Variants in RBM20 observed in about 807,000 individuals in gnomAD.
RBM20 encodes RNA-binding protein 20.
RBM20 carries 51 observed loss-of-function variants against 110.1 expected under a neutral mutation model. That is an observed-to-expected ratio of 0.46 (90% confidence interval 0.37 to 0.59). The LOEUF is 0.59. Among genes scored for constraint, RBM20 ranks in the 20% least tolerant of loss-of-function variants. The pLI is 0.00. For missense variants in RBM20, 1,512 were observed against 1,574.9 expected (o/e 0.96, Z 0.68); for synonymous variants, 589 against 618.2 (o/e 0.95, Z 0.70).
At chr10:110,766,832 GCTGTTGGGT>G (rs1844093183) in intron 1 of RBM20, among the ~76,000 whole-genome samples, 1 of 150,862 alleles carries the variant, frequency 6.6e-6, no homozygotes, top group South Asian at 2.1e-4. Context: ...TTCTCAATGA[GCTGTTGGGT>G]ACACCTCCCA....
At chr10:110,740,644 AC>A (rs1843715538) in intron 1 of RBM20, among the ~76,000 whole-genome samples, 1 of 152,080 alleles carries the variant, frequency 6.6e-6, no homozygotes, top group South Asian at 2.1e-4. Flanking sequence ...GTTTATGGCC[AC>A]CTTGATGTTC....
At chr10:110,834,760 C>T (rs1306307072) in intron 13 of RBM20, among the ~76,000 whole-genome samples, 1 of 152,212 alleles carries the variant, frequency 6.6e-6, no homozygotes, top group Non-Finnish European at 1.5e-5. Flanking sequence ...TACTGGTCTG[C>T]ACCCTTCTGT....
At chr10:110,806,500 C>A (rs925737509) in intron 7 of RBM20, among the ~76,000 whole-genome samples, 1 of 152,116 alleles carries the variant, frequency 6.6e-6, no homozygotes, top group Non-Finnish European at 1.5e-5. Flanking sequence ...CGTGAGAACT[C>A]TGTCACGAGA....
chr10:110,732,807 C>T (rs1056036211), intron 1 of RBM20, among the ~76,000 whole-genome samples: 1 of 152,146 alleles, frequency 6.6e-6, no homozygotes, highest in Admixed American at 6.5e-5. Flanking sequence ...CACTGGAAAT[C>T]ATTGACTGTG....
At position 110,784,373 on chromosome 10, in the gene RBM20, A is replaced by G. The variant is rs1564845289; in HGVS notation, c.1370A>G (p.Glu457Gly). The change falls in exon 4 of 14, where the codon GAG (glutamate) becomes GGG (glycine). Residue 457 changes from glutamate to glycine, a missense_variant. Physicochemically the swap from Glu to Gly is moderately conservative, Grantham distance 98. This residue lies in a region of RBM20 where 1,149 missense variants were observed against 1,169.4 expected (regional missense o/e 0.98). Transcript: ENST00000369519. The stretch of plus-strand genomic sequence containing the variant: ...ATCCGGTGTATACTTGGTTCGGCAG[A>G]GGGAACATTGTGTGCTTCTCCCAAC... ...AGIRCILGSA[E>G]GTLCASPNST... is the part of the protein sequence containing the mutation. 6.4e-7 allele frequency: 1 copy of G among 1,551,384 alleles called. No homozygotes were observed. Among genetic ancestry groups the G allele is most frequent in the East Asian group, 2.4e-5 (1 of 40,924 alleles).
At chr10:110,687,995 T>TGTGTGTG (rs1862529719) in intron 1 of RBM20, among the ~76,000 whole-genome samples, 32 of 145,486 alleles carry the variant, frequency 2.2e-4, no homozygotes, top group African/African-American at 8.1e-4. Context: ...CTAAATGGTT[T>TGTGTGTG]TGTGTGTGTG....
rs139586888 is a variant in RBM20 at position 110,759,343 on chromosome 10, A to T, written c.192-21458A>T. The stretch of plus-strand genomic sequence containing the variant: ...TGGCATAGCTTTTCTATTTTCCTCC[A>T]TTGCAAAGATAGAGTAGTCAGCCCT... On this transcript the variant is annotated intron_variant, in intron 1 of 13. Coordinates refer to ENST00000369519, the MANE Select transcript of RBM20 (RefSeq NM_001134363.3). Among the ~76,000 whole-genome samples, 59 of 152,230 alleles carry T rather than the reference A, an allele frequency of 3.9e-4. No homozygotes were observed. The East Asian group carries it at 0.01, about 27-fold the overall frequency.
chr10:110,812,754 A>G lies in RBM20; in HGVS notation c.2357A>G (p.Asp786Gly), dbSNP rs561904103. ...GCCCCCGGGAGGTCCAGGAGGAAAG[A>G]CGAGGCCAGGCTGCGGGAAAGCAGA... ...QDAPGRSRRKDEARLRESRHP... is the reference protein window; with the variant it reads ...QDAPGRSRRKGEARLRESRHP... Residue 786 changes from aspartate (D) to glycine (G), a missense_variant, in exon 9 of 14, where the codon GAC (aspartate) becomes GGC (glycine). Physicochemically the swap from Asp to Gly is moderately conservative, Grantham distance 94. Coordinates refer to ENST00000369519, the MANE Select transcript of RBM20 (RefSeq NM_001134363.3). 67 of 1,551,748 alleles carry G rather than the reference A, an allele frequency of 4.3e-5. No individual in the cohort carries two copies. The highest frequency in any genetic ancestry group is 2.2e-4 in the Admixed American group (11 of 51,006).
chr10:110,806,555 G>A (rs1844698064), intron 7 of RBM20, among the ~76,000 whole-genome samples: 1 of 152,172 alleles, frequency 6.6e-6, no homozygotes, highest in African/African-American at 2.4e-5. Context: ...CCACCCACAT[G>A]ATCCAGTCAC....
chr10:110,734,466 G>A lies in RBM20; in HGVS notation c.192-46335G>A, dbSNP rs1391395722. On this transcript the variant is annotated intron_variant, in intron 1 of 13. Transcript: ENST00000369519. ...ATTCTTTGAACTACAGGTGTCACTG[G>A]AAATGATTCCCTCTGCTCAATATGG... Among the ~76,000 whole-genome samples the A allele has an allele frequency of 2.6e-5, 4 of 152,272 alleles. No homozygotes were observed. The South Asian group carries it at 6.2e-4, about 24-fold the overall frequency.
chr10:110,687,551 A>G (rs548361989), intron 1 of RBM20, among the ~76,000 whole-genome samples: 1 of 152,372 alleles, frequency 6.6e-6, no homozygotes, highest in Admixed American at 6.5e-5. Context: ...CTCCAGTCTG[A>G]TGGTATTACA....
chr10:110,715,381 C>A (rs1863000264), intron 1 of RBM20, among the ~76,000 whole-genome samples: 1 of 152,244 alleles, frequency 6.6e-6, no homozygotes, highest in Non-Finnish European at 1.5e-5. Context: ...TGTCATCACA[C>A]TGTCTGCAGC....
chr10:110,714,358 A>G (rs1033472126), intron 1 of RBM20, among the ~76,000 whole-genome samples: 1 of 152,194 alleles, frequency 6.6e-6, no homozygotes, highest in Non-Finnish European at 1.5e-5. Context: ...TGCTGCAACA[A>G]ATAAAGCTGG....
intron 1 of RBM20, among the ~76,000 whole-genome samples, chr10:110,716,421 A>G (rs1239972591): frequency 6.6e-6 from 1 of 152,216 alleles, no homozygotes; most frequent in African/African-American, 2.4e-5. Context: ...GCCTAATTAA[A>G]CGTGTACTGT....
At chr10:110,714,819 G>T (rs1214970220) in intron 1 of RBM20, among the ~76,000 whole-genome samples, 1 of 152,216 alleles carries the variant, frequency 6.6e-6, no homozygotes, top group Non-Finnish European at 1.5e-5. Flanking sequence ...CAGCAGCTCA[G>T]GGTGGAGGCT....
At chr10:110,654,940 T>G (rs914586265) in intron 1 of RBM20, among the ~76,000 whole-genome samples, 2 of 152,224 alleles carry the variant, frequency 1.3e-5, no homozygotes, top group African/African-American at 4.8e-5. Flanking sequence ...ATCCATTTAC[T>G]TCAACAATAA....
chr10:110,675,413 T>C (rs1423391666), intron 1 of RBM20, among the ~76,000 whole-genome samples: 1 of 152,220 alleles, frequency 6.6e-6, no homozygotes. Context: ...TGTCTTGCAT[T>C]CTTATAATGT....
intron 1 of RBM20, among the ~76,000 whole-genome samples, chr10:110,683,487 A>T (rs1862452914): frequency 6.6e-6 from 1 of 152,214 alleles, no homozygotes; most frequent in South Asian, 2.1e-4. Context: ...GAGTGGTTCC[A>T]GTTATTATCT....
At chr10:110,650,576 T>G (rs552579904) in intron 1 of RBM20, among the ~76,000 whole-genome samples, 9 of 152,244 alleles carry the variant, frequency 5.9e-5, no homozygotes, top group Non-Finnish European at 7.4e-5. Context: ...CCTTCTTTAA[T>G]GTGGTATTTG....
Sources: gnomAD v4.1 joint callset for allele counts (sites outside exome capture counted in the v4.1 genomes callset) on GRCh38, gnomAD v4.1.1 for gene constraint, gnomAD v4.1.1 regional missense constraint, MANE v1.5 for transcripts, NCBI Gene and HGNC (gene_info 2026-07-23, HGNC 2026-07-21) for gene names.